HAO1: variants seen among roughly 807,000 people sequenced by gnomAD.
The protein encoded by HAO1 is 2-Hydroxyacid oxidase 1.
HAO1 carries 34 observed loss-of-function variants against 39.7 expected under a neutral mutation model. The ratio of observed to expected loss-of-function variants is 0.86; its 90% CI spans 0.65 to 1.14. The LOEUF is 1.14. Ranked by LOEUF, HAO1 falls within the 50% of genes most tolerant of loss-of-function variation. The pLI, the probability that HAO1 is intolerant of heterozygous loss-of-function variation, is 0.00. For synonymous variants in HAO1, 172 were observed against 173.2 expected, an observed-to-expected ratio of 0.99 and a Z score of 0.05; for missense variants, 479 against 464.5, an observed-to-expected ratio of 1.03 and a Z score of -0.29.
chr20:7,929,212 G>A (rs2050375527), intron 2 of HAO1, among the ~76,000 whole-genome samples: 1 of 152,102 alleles, frequency 6.6e-6, no homozygotes, highest in Admixed American at 6.5e-5. Context: ...CAAAGAAAAA[G>A]AACAATTTTT....
At chr20:7,927,787 G>C (rs1313916770) in intron 2 of HAO1, among the ~76,000 whole-genome samples, 1 of 152,188 alleles carries the variant, frequency 6.6e-6, no homozygotes, top group Non-Finnish European at 1.5e-5. Context: ...CATAGTGCTT[G>C]CCTTAGGATT....
intron 1 of HAO1, among the ~76,000 whole-genome samples, chr20:7,935,425 A>C (rs1447337331): frequency 2.6e-5 from 4 of 152,188 alleles, no homozygotes; most frequent in African/African-American, 9.6e-5. Flanking sequence ...GTTTAAGAAG[A>C]TATGCTATGT....
chr20:7,895,101 A>C, intron 5 of HAO1, 32 bp downstream of exon 5: 1 of 1,393,398 alleles, frequency 7.2e-7, no homozygotes, highest in East Asian at 2.3e-5. Context: ...TGGGAACTCC[A>C]AAAGGAAATC....
intron 1 of HAO1, among the ~76,000 whole-genome samples, chr20:7,934,839 C>A (rs112090904): frequency 0.013 from 1,990 of 152,188 alleles, 39 homozygotes; most frequent in African/African-American, 0.043. Context: ...ATGAATTTCC[C>A]AAGCAATTAT....
At chr20:7,910,501 G>A (rs2050274199) in intron 3 of HAO1, among the ~76,000 whole-genome samples, 1 of 152,086 alleles carries the variant, frequency 6.6e-6, no homozygotes, top group Admixed American at 6.6e-5. Flanking sequence ...GAATCTAGGG[G>A]AAGCCCTATT....
intron 5 of HAO1, among the ~76,000 whole-genome samples, chr20:7,894,418 A>G (rs2050187672): frequency 6.6e-6 from 1 of 152,164 alleles, no homozygotes; most frequent in Non-Finnish European, 1.5e-5. Context: ...AAAGATGCAC[A>G]TTGGAATCTC....
chr20:7,892,167 C>A (rs2050177130), intron 5 of HAO1, among the ~76,000 whole-genome samples: 1 of 152,134 alleles, frequency 6.6e-6, no homozygotes, highest in African/African-American at 2.4e-5. Context: ...CTCACTGCAA[C>A]CTCCAACCCC....
In HAO1 at chr20:7,937,818, G is replaced by A. The variant is rs528162946; in HGVS notation, c.137+2468C>T. ...TTTACCCTGTTTTGTTATAACCACC[G>A]TAAGAAATTTTGTTCTGGGTGGTTC... On this transcript the variant is annotated intron_variant, in intron 1 of 7. Coordinates refer to ENST00000378789, the MANE Select transcript of HAO1 (RefSeq NM_017545.3). Among the ~76,000 whole-genome samples, 15 of 152,202 alleles carry A rather than the reference G, an allele frequency of 9.9e-5. No homozygotes were observed. In the East Asian group the frequency reaches 1.5e-3, roughly 16 times the overall value.
At chr20:7,917,754 A>G (rs1174776165) in intron 2 of HAO1, among the ~76,000 whole-genome samples, 1 of 152,188 alleles carries the variant, frequency 6.6e-6, no homozygotes, top group African/African-American at 2.4e-5. Context: ...GCCAATAGGA[A>G]CATCAAAATC....
At chr20:7,908,035 T>C (rs2050256742) in intron 3 of HAO1, among the ~76,000 whole-genome samples, 1 of 152,186 alleles carries the variant, frequency 6.6e-6, no homozygotes, top group Non-Finnish European at 1.5e-5. Context: ...TAGTCCCATC[T>C]CTTTCTTCCC....
intron 7 of HAO1, 142 bp downstream of exon 7, chr20:7,885,379 G>A: frequency 1.6e-6 from 1 of 642,754 alleles, no homozygotes; most frequent in Admixed American, 2.8e-5. Context: ...GTTCCTCAAA[G>A]CTGTAAATAT....
chr20:7,902,514 A>G (rs1264575883), intron 4 of HAO1, among the ~76,000 whole-genome samples: 1 of 152,208 alleles, frequency 6.6e-6, no homozygotes, highest in Non-Finnish European at 1.5e-5. Context: ...CACAAAATAG[A>G]CTACAGTATA....
chr20:7,924,369 C>T (rs1282737144), intron 2 of HAO1, among the ~76,000 whole-genome samples: 3 of 152,012 alleles, frequency 2.0e-5, no homozygotes, highest in Admixed American at 6.6e-5. Context: ...CACAAGTTAT[C>T]AATTATAAAA....
chr20:7,911,479 T>G lies in HAO1; in HGVS notation c.545+2685A>C, dbSNP rs76529928. ...CATGGGGATATGGAGAAAGAAAAAG[T>G]TCCTGCCCCAAAGCCTCAGGAATCA... On this transcript the variant is annotated intron_variant, in intron 3 of 7. Coordinates refer to ENST00000378789, the MANE Select transcript of HAO1 (RefSeq NM_017545.3). Among the ~76,000 whole-genome samples, 917 of 152,224 alleles carry G rather than the reference T, an allele frequency of 6.0e-3. 12 individuals carry two copies. Among genetic ancestry groups the G allele is most frequent in the African/African-American group, 0.02 (825 of 41,532 alleles).
intron 4 of HAO1, among the ~76,000 whole-genome samples, chr20:7,903,613 T>C (rs34672598): frequency 0.1 from 15,463 of 150,424 alleles, 1,101 homozygotes; most frequent in South Asian, 0.33. Context: ...GTGGTGGTCA[T>C]AGTGGTGATG....
At chr20:7,925,139 G>A (rs1466093002) in intron 2 of HAO1, among the ~76,000 whole-genome samples, 2 of 152,136 alleles carry the variant, frequency 1.3e-5, no homozygotes, top group East Asian at 1.9e-4. Flanking sequence ...TTACAATTGA[G>A]ATTAACCAGA....
At chr20:7,897,942 GTA>G (rs200628100) in intron 4 of HAO1, among the ~76,000 whole-genome samples, 27,742 of 151,972 alleles carry the variant, frequency 0.18, 3,190 homozygotes, top group East Asian at 0.55. Context: ...GGAACTCCAT[GTA>G]AGAAAATGCA....
intron 5 of HAO1, among the ~76,000 whole-genome samples, chr20:7,892,275 G>A (rs1032429614): frequency 1.1e-4 from 16 of 152,080 alleles, no homozygotes; most frequent in East Asian, 1.9e-4. Flanking sequence ...TAGTAGAGAC[G>A]GGGTTTCACA....
At chr20:7,884,989 A>G (rs1264834072) in intron 7 of HAO1, among the ~76,000 whole-genome samples, 1 of 152,190 alleles carries the variant, frequency 6.6e-6, no homozygotes, top group Admixed American at 6.5e-5. Context: ...CAGGGAGGTC[A>G]GATTCTGATT....
Sources: allele counts gnomAD v4.1 joint callset (sites outside exome capture counted in the v4.1 genomes callset), GRCh38; gene constraint gnomAD v4.1.1; transcripts MANE v1.5; gene names NCBI Gene and HGNC (gene_info 2026-07-23, HGNC 2026-07-21).